Variants in MBOAT4 observed in about 807,000 individuals in gnomAD.
MBOAT4 encodes membrane-bound ghrelin O-acyltransferase MBOAT4.
A neutral mutation model predicts 13.2 loss-of-function variants in MBOAT4; 11 were observed. The observed-to-expected ratio is 0.84, with a 90% CI of 0.53 to 1.38. The LOEUF is 1.38. Ranked by LOEUF, MBOAT4 falls within the 40% of genes most tolerant of loss-of-function variation. MBOAT4 has a pLI of 0.00. For missense variants in MBOAT4, 481 were observed against 527.2 expected, an observed-to-expected ratio of 0.91 and a Z score of 0.86; for synonymous variants, 202 against 210.3, an observed-to-expected ratio of 0.96 and a Z score of 0.34.
intron 2 of MBOAT4, chr8:30,137,843 T>G: frequency 3.3e-6 from 1 of 306,118 alleles, no homozygotes; most frequent in Non-Finnish European, 6.2e-6. Context: ...AATTATGGTT[T>G]AGGAGTCATG....
Position 30,138,699 on chromosome 8 carries a change from G to A in MBOAT4, c.177C>T (p.Tyr59=), listed in dbSNP as rs544136229. The A allele has an allele frequency of 4.1e-5, 64 of 1,550,712 alleles. No homozygotes were observed. The highest frequency in any genetic ancestry group is 2.2e-4 in the East Asian group (9 of 40,926). The change falls in exon 2 of 3, where the codon TAC becomes TAT. Residue 59 remains tyrosine, a synonymous_variant. Transcript: ENST00000320542. ...CAGCAGGGGTGAAGACGAGCACGGC[G>A]TAGGAACCCATGGCAGCCACGGCCA... is the stretch of plus-strand genomic sequence containing the variant. The part of the protein sequence containing the change: ...GALAVAAMGS[Y]AVLVFTPAVC...
At chr8:30,140,379 C>T (rs980751597) in intron 1 of MBOAT4, among the ~76,000 whole-genome samples, 2 of 152,070 alleles carry the variant, frequency 1.3e-5, no homozygotes, top group Admixed American at 6.5e-5. Flanking sequence ...TAAGCCATCG[C>T]GCCCGGCCAC....
At chr8:30,134,460 G>C (rs539893789) in intron 2 of MBOAT4, among the ~76,000 whole-genome samples, 58 of 151,656 alleles carry the variant, frequency 3.8e-4, no homozygotes, top group Admixed American at 1.9e-3. Flanking sequence ...AAAAAACTTT[G>C]TCTTCCTTTA....
intron 1 of MBOAT4, among the ~76,000 whole-genome samples, chr8:30,142,296 A>C (rs576788231): frequency 1.3e-5 from 2 of 152,318 alleles, no homozygotes; most frequent in Non-Finnish European, 2.9e-5. Flanking sequence ...ACACAAGGAC[A>C]CTTAGTTAGG....
intron 1 of MBOAT4, among the ~76,000 whole-genome samples, chr8:30,141,951 C>G (rs1045276337): frequency 9.2e-5 from 14 of 152,198 alleles, no homozygotes; most frequent in Admixed American, 3.3e-4. Flanking sequence ...GACTTCCCCC[C>G]TCAACACCCC....
rs549449796 is a variant in MBOAT4 at position 30,138,211 on chromosome 8, C to T, written c.344+321G>A. On this transcript the variant is annotated intron_variant, in intron 2 of 2. Transcript: ENST00000320542. Reference sequence around the variant, plus strand: ...AAGCTTGGAGTAATAATAAAACTGGCCTGTCTCCCGCACAGCCAGCTCTCT... The same window carrying T: ...AAGCTTGGAGTAATAATAAAACTGGTCTGTCTCCCGCACAGCCAGCTCTCT... 1.9e-5 allele frequency: 4 copies of T among 206,226 alleles called. No individual in the cohort carries two copies. In the East Asian group the frequency reaches 4.1e-4, roughly 21 times the overall value. The allele number at this position is 206,226 out of a possible 1,614,324, so 12.8% of individuals were successfully genotyped here.
chr8:30,135,026 T>C (rs368910682), intron 2 of MBOAT4, among the ~76,000 whole-genome samples: 5 of 150,044 alleles, frequency 3.3e-5, no homozygotes, highest in African/African-American at 1.2e-4. Context: ...ACTTCAGACA[T>C]GCGCTACCAC....
chr8:30,140,997 C>G (rs1585488803), intron 1 of MBOAT4, among the ~76,000 whole-genome samples: 1 of 152,144 alleles, frequency 6.6e-6, no homozygotes, highest in South Asian at 2.1e-4. Context: ...ACCACCATAC[C>G]TGGCTAATTT....
In MBOAT4 at chr8:30,133,008, G is replaced by A. The variant is rs760549304; in HGVS notation, c.345-102C>T. The A allele has an allele frequency of 1.1e-5, 13 of 1,141,128 alleles. No homozygotes were observed. The East Asian group carries it at 3.2e-4, about 28-fold the overall frequency. The allele number at this position is 1,141,128 out of a possible 1,614,324, so 70.7% of individuals were successfully genotyped here. On this transcript the variant is annotated intron_variant, in intron 2 of 2. Transcript: ENST00000320542. ...GATCTCGCAGGAAATAGATAGGTCT[G>A]TACAGCTAAGATTAATCTCATGGCC...
At chr8:30,134,695 A>G (rs891546863) in intron 2 of MBOAT4, among the ~76,000 whole-genome samples, 4 of 151,148 alleles carry the variant, frequency 2.6e-5, no homozygotes, top group Non-Finnish European at 4.4e-5. Flanking sequence ...TTACAGGTGC[A>G]CGCCACCACG....
In MBOAT4 at chr8:30,134,207, G is replaced by A. The variant is rs540207360; in HGVS notation, c.345-1301C>T. ...TGGGAGGCCGAGGCAGGTGGATCAC[G>A]AGGTCAAGAGATCGAGACCATCCTG... On this transcript the variant is annotated intron_variant, in intron 2 of 2. Transcript: ENST00000320542. 1.4e-4 allele frequency among the ~76,000 whole-genome samples: 21 copies of A among 152,136 alleles called. No homozygotes were observed. In the East Asian group the frequency reaches 2.1e-3, roughly 15 times the overall value.
intron 1 of MBOAT4, among the ~76,000 whole-genome samples, chr8:30,142,157 T>C (rs553885574): frequency 6.6e-6 from 1 of 152,352 alleles, no homozygotes; most frequent in Admixed American, 6.5e-5. Context: ...TATTTCATTC[T>C]AGGCATAGTG....
Position 30,132,742 on chromosome 8 carries a change from A to G in MBOAT4, c.509T>C (p.Leu170Pro), listed in dbSNP as rs1803053412. The G allele has an allele frequency of 6.4e-7, 1 of 1,551,720 alleles. No homozygotes were observed. Residue 170 changes from leucine to proline, a missense_variant, in exon 3 of 3, where the codon CTC (leucine) becomes CCC (proline). Physicochemically the swap from Leu to Pro is moderately conservative, Grantham distance 98 (BLOSUM62 -3). Coordinates refer to ENST00000320542, the MANE Select transcript of MBOAT4 (RefSeq NM_001100916.2). ...GCCTCCCAGGAGAGCAGGGAAAAAG[A>G]GCAAGTAGCTGAAATAGGGCAGTGC... ...CKALPYFSYL[L>P]FFPALLGGSL...
At chr8:30,137,398 A>G (rs1260553492) in intron 2 of MBOAT4, 2 of 1,551,610 alleles carry the variant, frequency 1.3e-6, no homozygotes, top group East Asian at 4.9e-5. Flanking sequence ...CAGAGTGTCC[A>G]CTCAACCCGT....
chr8:30,133,148 C>T (rs926786993), intron 2 of MBOAT4, among the ~76,000 whole-genome samples: 16 of 152,242 alleles, frequency 1.1e-4, no homozygotes, highest in Non-Finnish European at 2.2e-4. Flanking sequence ...AACTCCTGGG[C>T]TTAAGCAATC....
intron 2 of MBOAT4, chr8:30,138,268 T>C (rs1374773580): frequency 6.2e-6 from 2 of 321,028 alleles, no homozygotes; most frequent in Non-Finnish European, 5.9e-6. Context: ...GCAATTCCCC[T>C]GTTTGTCTAG....
At chr8:30,143,898 CA>C (rs1472437532) in intron 1 of MBOAT4, among the ~76,000 whole-genome samples, 18 of 152,322 alleles carry the variant, frequency 1.2e-4, no homozygotes, top group African/African-American at 4.3e-4. Flanking sequence ...ACCATCGCAA[CA>C]ACCATCTCTC....
chr8:30,140,764 A>C (rs960700259), intron 1 of MBOAT4, among the ~76,000 whole-genome samples: 22 of 152,298 alleles, frequency 1.4e-4, no homozygotes, highest in African/African-American at 5.1e-4. Flanking sequence ...CAGTTGATTA[A>C]GAACTCCTTT....
rs142276968 is a variant in MBOAT4 at position 30,131,843 on chromosome 8, T to A, written c.*100A>T. 2.1e-5 allele frequency: 29 copies of A among 1,405,828 alleles called. No homozygotes were observed. The highest frequency in any genetic ancestry group is 6.2e-5 in the South Asian group (4 of 64,766). The allele number at this position is 1,405,828 out of a possible 1,614,324, so 87.1% of individuals were successfully genotyped here. On this transcript the variant is annotated 3_prime_UTR_variant, in exon 3 of 3. Transcript: ENST00000320542. ...TATCCATCCAAAACTTTAGAAAAAA[T>A]TTTATTATGGAAAAGTTCAAATGTA...
Sources: gnomAD v4.1 joint callset for allele counts (sites outside exome capture counted in the v4.1 genomes callset) on GRCh38, gnomAD v4.1.1 for gene constraint, MANE v1.5 for transcripts, NCBI Gene and HGNC (gene_info 2026-07-23, HGNC 2026-07-21) for gene names.